STK32A: variants seen among roughly 807,000 people sequenced by gnomAD.
STK32A encodes serine/threonine-protein kinase 32A.
A neutral mutation model predicts 53.2 loss-of-function variants in STK32A; 41 were observed. That is an observed-to-expected ratio of 0.77 (90% CI 0.60 to 1.00). STK32A has a LOEUF of 1.00. Ranked by LOEUF, STK32A falls within the 50% of genes least tolerant of loss-of-function variation. The pLI is 0.00. For synonymous variants in STK32A, 166 were observed against 162.8 expected, an observed-to-expected ratio of 1.02 and a Z score of -0.15; for missense variants, 458 against 485.8, an observed-to-expected ratio of 0.94 and a Z score of 0.54.
intron 7 of STK32A, among the ~76,000 whole-genome samples, chr5:147,357,270 T>C (rs1475162123): frequency 1.3e-5 from 2 of 152,236 alleles, no homozygotes; most frequent in East Asian, 1.9e-4. Flanking sequence ...AAGATATTCA[T>C]TTCCCTGCAT....
intron 2 of STK32A, among the ~76,000 whole-genome samples, chr5:147,245,081 C>T (rs1753724073): frequency 6.6e-6 from 1 of 152,164 alleles, no homozygotes; most frequent in African/African-American, 2.4e-5. Flanking sequence ...TATATAAAAA[C>T]ACTTTAAAAG....
At chr5:147,295,245 T>C (rs1752814109) in intron 4 of STK32A, among the ~76,000 whole-genome samples, 1 of 152,236 alleles carries the variant, frequency 6.6e-6, no homozygotes, top group South Asian at 2.1e-4. Context: ...ACGATTTAGT[T>C]ACTGAAAAAG....
intron 4 of STK32A, among the ~76,000 whole-genome samples, chr5:147,319,211 T>C (rs112499066): frequency 6.6e-6 from 1 of 150,710 alleles, no homozygotes; most frequent in Non-Finnish European, 1.5e-5. Flanking sequence ...GGCGTGATCT[T>C]GGCTCACTGC....
intron 2 of STK32A, among the ~76,000 whole-genome samples, chr5:147,240,352 T>C (rs75372291): frequency 0.058 from 8,853 of 152,152 alleles, 302 homozygotes; most frequent in Middle Eastern, 0.099. Context: ...TGTTTATAGG[T>C]TGTCTGGGGG....
chr5:147,348,776 C>T lies in STK32A; in HGVS notation c.473-2289C>T, dbSNP rs138840892. The T allele has an allele frequency of 3.2e-3, 2,351 of 744,932 alleles. 6 individuals carry two copies. Among genetic ancestry groups the T allele is most frequent in the Non-Finnish European group, 5.0e-3 (1,981 of 398,996 alleles). The allele number at this position is 744,932 out of a possible 1,614,324, so 46.1% of individuals were successfully genotyped here. On this transcript the variant is annotated intron_variant, in intron 6 of 12. Transcript: ENST00000397936. ...GGCACATGTATTTTGCAAAACTACACTGAAGTTTCTGATAATGACGGATAT... is the reference window on the plus strand; with the variant it reads ...GGCACATGTATTTTGCAAAACTACATTGAAGTTTCTGATAATGACGGATAT...
chr5:147,257,720 C>T (rs1419702480), intron 2 of STK32A, among the ~76,000 whole-genome samples: 1 of 152,036 alleles, frequency 6.6e-6, no homozygotes, highest in African/African-American at 2.4e-5. Context: ...TCGAGTTTTC[C>T]TTCTTTCCAC....
rs71274369 is a variant in STK32A, at chr5:147,372,269, C to CTTTTT, written c.778-874_778-870dup. Reference sequence around the variant, plus strand: ...GGGGCCCAAGAGGAATGGGCTTGGCCTTTTTTTTTTTTTTTTTTTTTTTTT... The same window carrying CTTTTT: ...GGGGCCCAAGAGGAATGGGCTTGGCCTTTTTTTTTTTTTTTTTTTTTTTTTTTTTT... On this transcript the variant is annotated intron_variant, in intron 9 of 12. Coordinates refer to ENST00000397936, the MANE Select transcript of STK32A (RefSeq NM_001112724.2). Among the ~76,000 whole-genome samples the CTTTTT allele has an allele frequency of 1.2e-3, 61 of 49,356 alleles. 2 individuals are homozygous for CTTTTT. Among genetic ancestry groups the CTTTTT allele is most frequent in the East Asian group, 6.2e-3 (7 of 1,128 alleles). The allele number at this position is 49,356 out of a possible 152,430, so 32.4% of individuals were successfully genotyped here.
chr5:147,338,949 T>C (rs893048037), intron 5 of STK32A, among the ~76,000 whole-genome samples: 1 of 152,278 alleles, frequency 6.6e-6, no homozygotes, highest in South Asian at 2.1e-4. Flanking sequence ...AAGCAGGGAA[T>C]AAAAGTTCAG....
the STK32A span, chr5:147,399,134 A>C: frequency 1.2e-6 from 2 of 1,614,208 alleles, no homozygotes. Flanking sequence ...ATCCCAGATG[A>C]CGAGGTCGCT....
intron 4 of STK32A, among the ~76,000 whole-genome samples, chr5:147,297,859 A>C (rs566151187): frequency 6.6e-6 from 1 of 151,990 alleles, no homozygotes; most frequent in Non-Finnish European, 1.5e-5. Context: ...ACGTGCCTGT[A>C]ATCTCAGCTA....
chr5:147,395,574 C>T, the STK32A span: 1 of 1,612,808 alleles, frequency 6.2e-7, no homozygotes, highest in Non-Finnish European at 8.5e-7. Context: ...AGGCTAAATC[C>T]CGACTGATGA....
chr5:147,378,840 CTTTTTTTTTTTTTTTTTTTTTTTTTT>C (rs71001434), intron 11 of STK32A, among the ~76,000 whole-genome samples: 13 of 28,094 alleles, frequency 4.6e-4, no homozygotes, highest in South Asian at 1.8e-3. Context: ...TGCCTCCAGT[CTTTTTTTTTTTTTTTTTTTTTTTTTT>C]TTTTTTTTTT....
chr5:147,249,650 C>G (rs143353553), intron 2 of STK32A, among the ~76,000 whole-genome samples: 2 of 151,936 alleles, frequency 1.3e-5, no homozygotes, highest in Admixed American at 1.3e-4. Context: ...CAGTGGTTCA[C>G]GCCTGCAATC....
At chr5:147,289,241 T>C (rs1289824375) in intron 4 of STK32A, among the ~76,000 whole-genome samples, 1 of 152,166 alleles carries the variant, frequency 6.6e-6, no homozygotes, top group East Asian at 1.9e-4. Context: ...TTAATCAAGA[T>C]TTTATGTCCT....
intron 4 of STK32A, among the ~76,000 whole-genome samples, chr5:147,310,336 C>A (rs1004785361): frequency 6.6e-6 from 1 of 152,176 alleles, no homozygotes; most frequent in South Asian, 2.1e-4. Context: ...GGTAGTAATT[C>A]TAGTTCATCC....
At chr5:147,397,620 G>A in the STK32A span, 2 of 1,578,982 alleles carry the variant, frequency 1.3e-6, no homozygotes, top group Admixed American at 1.7e-5. Context: ...GAGCGTGAGT[G>A]GAACACAAAG....
At chr5:147,261,512 GA>G (rs1754569645) in intron 2 of STK32A, among the ~76,000 whole-genome samples, 1 of 152,170 alleles carries the variant, frequency 6.6e-6, no homozygotes, top group Non-Finnish European at 1.5e-5. Flanking sequence ...CAGGTAATCA[GA>G]CTGACTTAGA....
chr5:147,389,002 A>T (rs763151627), downstream of STK32A, among the ~76,000 whole-genome samples: 1 of 152,184 alleles, frequency 6.6e-6, no homozygotes, highest in Non-Finnish European at 1.5e-5. Flanking sequence ...AAGCTTATTA[A>T]ACATCAAAAC....
At chr5:147,251,495 C>A (rs1753996801) in intron 2 of STK32A, among the ~76,000 whole-genome samples, 1 of 152,174 alleles carries the variant, frequency 6.6e-6, no homozygotes, top group South Asian at 2.1e-4. Context: ...CAGACAGTCA[C>A]ATGGGTAGAT....
Sources: allele counts gnomAD v4.1 joint callset (sites outside exome capture counted in the v4.1 genomes callset), GRCh38; gene constraint gnomAD v4.1.1; transcripts MANE v1.5; gene names NCBI Gene and HGNC (gene_info 2026-07-23, HGNC 2026-07-21).